DCUN1D4: variants seen among roughly 807,000 people sequenced by gnomAD.
DCUN1D4 encodes defective in cullin neddylation 1 domain containing 4, also known as DCN1-like protein 4.
DCUN1D4 carries 22 observed loss-of-function variants against 47.9 expected under a neutral mutation model. That is an observed-to-expected ratio of 0.46 (90% CI 0.33 to 0.66). The LOEUF (loss-of-function observed/expected upper bound fraction) is 0.66. Among genes scored for constraint, DCUN1D4 ranks in the 30% least tolerant of loss-of-function variants. The pLI is 0.02. For synonymous variants in DCUN1D4, 121 were observed against 112.2 expected (o/e 1.08, Z -0.50); for missense variants, 301 against 340.8 (o/e 0.88, Z 0.92).
chr4:51,888,673 G>A (rs1293049834), intron 6 of DCUN1D4, among the ~76,000 whole-genome samples: 2 of 138,974 alleles, frequency 1.4e-5, no homozygotes, highest in Non-Finnish European at 3.1e-5. Flanking sequence ...GAGCAGAGCC[G>A]ACATCATGCC....
At chr4:51,881,202 A>G (rs1427845360) in intron 5 of DCUN1D4, among the ~76,000 whole-genome samples, 2 of 152,220 alleles carry the variant, frequency 1.3e-5, no homozygotes, top group African/African-American at 4.8e-5. Flanking sequence ...ATATCTAAGA[A>G]TAAGGAATTA....
At chr4:51,870,698 G>A (rs551256015) in intron 3 of DCUN1D4, among the ~76,000 whole-genome samples, 6 of 152,290 alleles carry the variant, frequency 3.9e-5, no homozygotes, top group South Asian at 2.1e-4. Context: ...GCCTTTGCAC[G>A]TGCACTTGAG....
chr4:51,880,023 T>C (rs1560487060), intron 5 of DCUN1D4, among the ~76,000 whole-genome samples: 1 of 152,248 alleles, frequency 6.6e-6, no homozygotes, highest in Non-Finnish European at 1.5e-5. Flanking sequence ...AAGAAATTTG[T>C]GTGGAGGTGA....
intron 3 of DCUN1D4, among the ~76,000 whole-genome samples, chr4:51,867,561 G>A (rs756664133): frequency 3.3e-5 from 5 of 152,158 alleles, no homozygotes; most frequent in Admixed American, 6.5e-5. Flanking sequence ...AGGTCCTCCC[G>A]ACATCTGTGC....
At chr4:51,842,400 A>G (rs931599861), upstream of DCUN1D4, among the ~76,000 whole-genome samples, 8 of 152,208 alleles carry the variant, frequency 5.3e-5, no homozygotes, top group African/African-American at 1.4e-4. Flanking sequence ...ATTAGTGACT[A>G]GAGGAAAGAA....
chr4:51,834,104 T>TTTTATTTTC, the DCUN1D4 span, among the ~76,000 whole-genome samples: 1 of 115,474 alleles, frequency 8.7e-6, no homozygotes, highest in African/African-American at 4.2e-5. Flanking sequence ...TTCTTCTTTC[T>TTTTATTTTC]TTTTTTTTTC....
intron 3 of DCUN1D4, among the ~76,000 whole-genome samples, chr4:51,868,498 C>T (rs1330880484): frequency 6.6e-6 from 1 of 152,194 alleles, no homozygotes; most frequent in Non-Finnish European, 1.5e-5. Flanking sequence ...TAACATTTGC[C>T]ATCTGGTTAT....
At chr4:51,864,531 G>A (rs547267544) in intron 3 of DCUN1D4, among the ~76,000 whole-genome samples, 52 of 152,302 alleles carry the variant, frequency 3.4e-4, no homozygotes, top group African/African-American at 1.1e-3. Context: ...GAACTTGATT[G>A]TTCATGGTTC....
At chr4:51,869,150 A>AAG (rs1726461745) in intron 3 of DCUN1D4, among the ~76,000 whole-genome samples, 4 of 141,354 alleles carry the variant, frequency 2.8e-5, no homozygotes, top group Non-Finnish European at 6.0e-5. Context: ...AAAAAAGTCA[A>AAG]TCAGAGAGGA....
chr4:51,870,045 C>T (rs1387199511), intron 3 of DCUN1D4, among the ~76,000 whole-genome samples: 1 of 152,084 alleles, frequency 6.6e-6, no homozygotes, highest in African/African-American at 2.4e-5. Context: ...GATTGATTTC[C>T]GATTCACTAA....
chr4:51,839,926 T>A (rs1054970754), upstream of DCUN1D4, among the ~76,000 whole-genome samples: 6 of 152,206 alleles, frequency 3.9e-5, no homozygotes, highest in Non-Finnish European at 8.8e-5. Context: ...CTTACTAGAC[T>A]TCTCCATATC....
chr4:51,906,553 G>T (rs1006391407), intron 8 of DCUN1D4, among the ~76,000 whole-genome samples: 1 of 151,962 alleles, frequency 6.6e-6, no homozygotes, highest in African/African-American at 2.4e-5. Flanking sequence ...TCAAACACAC[G>T]TGTGTCCACG....
chr4:51,869,152 C>T (rs1335470255), intron 3 of DCUN1D4, among the ~76,000 whole-genome samples: 9 of 119,512 alleles, frequency 7.5e-5, no homozygotes, highest in Admixed American at 3.2e-4. Context: ...AAAAGTCAAT[C>T]AGAGAGGACC....
chr4:51,858,928 A>T lies in DCUN1D4; in HGVS notation c.26-4509A>T, dbSNP rs183927477. ...AGAAATATTTACAATCTGGCCCTTC[A>T]TACAGAGTTTACCAGGCTCTGCTTT... On this transcript the variant is annotated intron_variant, in intron 1 of 10. Transcript: ENST00000334635. 1.3e-3 allele frequency among the ~76,000 whole-genome samples: 200 copies of T among 152,376 alleles called. 1 individual carries two copies. The highest frequency in any genetic ancestry group is 0.01 in the Middle Eastern group (3 of 294).
chr4:51,891,959 G>A (rs1324309183), intron 7 of DCUN1D4, 108 bp downstream of exon 7: 3 of 841,548 alleles, frequency 3.6e-6, no homozygotes, highest in Non-Finnish European at 5.7e-6. Context: ...AAGTCAGGTG[G>A]TCTGGCCAAG....
chr4:51,887,450 G>T (rs1729690837), intron 6 of DCUN1D4, among the ~76,000 whole-genome samples: 1 of 152,106 alleles, frequency 6.6e-6, no homozygotes. Context: ...TTTAATTAGA[G>T]TGATTTTTAT....
chr4:51,868,142 G>T (rs540905783), intron 3 of DCUN1D4, among the ~76,000 whole-genome samples: 1 of 152,352 alleles, frequency 6.6e-6, no homozygotes, highest in African/African-American at 2.4e-5. Context: ...CCAGGAAGTG[G>T]GAGCAGTCAC....
intron 4 of DCUN1D4, chr4:51,875,158 A>G (rs1236320929): frequency 6.6e-6 from 1 of 152,226 alleles, no homozygotes; most frequent in Non-Finnish European, 1.5e-5. Context: ...ACTCAGAGGA[A>G]TAAGAAAGAC....
upstream of DCUN1D4, among the ~76,000 whole-genome samples, chr4:51,841,299 A>C (rs1220924914): frequency 1.3e-5 from 2 of 152,218 alleles, 1 homozygote; most frequent in Non-Finnish European, 2.9e-5. Context: ...ATTAAATGAC[A>C]TATAATTTAT....
Sources: gnomAD v4.1 joint callset for allele counts (sites outside exome capture counted in the v4.1 genomes callset) on GRCh38, gnomAD v4.1.1 for gene constraint, MANE v1.5 for transcripts, NCBI Gene and HGNC (gene_info 2026-07-23, HGNC 2026-07-21) for gene names.